SCG3: variants seen among roughly 807,000 people sequenced by gnomAD.
The protein encoded by SCG3 is secretogranin III, also known as secretogranin-3.
Under a neutral mutation model 56.2 loss-of-function variants are expected in SCG3, and 38 were observed. The observed-to-expected ratio is 0.68, with a 90% CI of 0.52 to 0.89. The LOEUF (loss-of-function observed/expected upper bound fraction) is 0.89, where lower values mean the gene tolerates loss of function less well. Among genes scored for constraint, SCG3 ranks in the 40% least tolerant of loss-of-function variants. The pLI is 0.00. For synonymous variants in SCG3, 176 were observed against 184.2 expected (o/e 0.96, Z 0.36); for missense variants, 524 against 540.7 (o/e 0.97, Z 0.31).
In SCG3 at chr15:51,683,059, ATCTCC is replaced by A; in HGVS notation, c.136-18_136-14del. On this transcript the variant is annotated splice_polypyrimidine_tract_variant and intron_variant, in intron 2 of 11. Coordinates refer to ENST00000220478, the MANE Select transcript of SCG3 (RefSeq NM_013243.4). The stretch of plus-strand genomic sequence containing the variant: ...GGAGCAATGATTTTAAACCAAGTCT[ATCTCC>A]TGTTTGCTTCACAGATTGCTGAAGC... 3 of 1,600,928 alleles carry A rather than the reference ATCTCC, an allele frequency of 1.9e-6. No individual in the cohort carries two copies. In the South Asian group the frequency reaches 3.3e-5, roughly 18 times the overall value.
chr15:51,704,690 T>C (rs1380277982), intron 10 of SCG3, among the ~76,000 whole-genome samples: 1 of 149,634 alleles, frequency 6.7e-6, no homozygotes, highest in Admixed American at 6.7e-5. Context: ...ATTGTATGTA[T>C]AAGCCACATT....
chr15:51,692,570 G>C (rs760040903), intron 7 of SCG3, among the ~76,000 whole-genome samples: 3 of 152,068 alleles, frequency 2.0e-5, no homozygotes, highest in Admixed American at 6.5e-5. Context: ...TTAACAGAAG[G>C]TTCATTTATT....
chr15:51,698,985 G>T (rs1015541370), intron 8 of SCG3, among the ~76,000 whole-genome samples: 15 of 152,176 alleles, frequency 9.9e-5, no homozygotes, highest in Non-Finnish European at 1.3e-4. Context: ...AAATCAAGGT[G>T]CAGTTACCAC....
intron 11 of SCG3, among the ~76,000 whole-genome samples, chr15:51,718,199 T>TAGAC (rs3078130): frequency 0.26 from 38,954 of 148,838 alleles, 5,485 homozygotes; most frequent in Non-Finnish European, 0.31. Context: ...GATAGATAGA[T>TAGAC]AGACAGACAG....
Position 51,686,950 on chromosome 15 carries a change from G to A in SCG3, c.398-1310G>A, listed in dbSNP as rs78430475. Among the ~76,000 whole-genome samples, 55 of 152,222 alleles carry A rather than the reference G, an allele frequency of 3.6e-4. No homozygotes were observed. The East Asian group carries it at 8.5e-3, about 24-fold the overall frequency. ...TCATAGAGTCTGAAAGAAAAGCCAC[G>A]GGATAAATTCCCTGTCCAAATCCCC... On this transcript the variant is annotated intron_variant, in intron 4 of 11. Coordinates refer to ENST00000220478, the MANE Select transcript of SCG3 (RefSeq NM_013243.4).
At chr15:51,716,956 T>A (rs1215111289) in intron 11 of SCG3, among the ~76,000 whole-genome samples, 1 of 152,190 alleles carries the variant, frequency 6.6e-6, no homozygotes, top group Non-Finnish European at 1.5e-5. Flanking sequence ...CCTGGTATGG[T>A]AGCTCACACC....
chr15:51,715,490 T>C (rs934066000), intron 11 of SCG3, among the ~76,000 whole-genome samples: 2 of 152,102 alleles, frequency 1.3e-5, no homozygotes, highest in African/African-American at 4.8e-5. Context: ...TGAATCCCCT[T>C]CCCAAACCCA....
chr15:51,689,153 C>T, intron 5 of SCG3, 66 bp from the exon 6 acceptor site: 1 of 1,506,572 alleles, frequency 6.6e-7, no homozygotes, highest in Non-Finnish European at 9.1e-7. Context: ...CAGTTTAGTC[C>T]ACATTATTTT....
At chr15:51,684,127 A>G (rs1041424457) in intron 4 of SCG3, among the ~76,000 whole-genome samples, 2 of 152,222 alleles carry the variant, frequency 1.3e-5, no homozygotes, top group African/African-American at 2.4e-5. Context: ...ATCTAGGATC[A>G]AACTATTTAT....
intron 10 of SCG3, among the ~76,000 whole-genome samples, chr15:51,702,853 T>A (rs1226365159): frequency 6.6e-6 from 1 of 152,238 alleles, no homozygotes; most frequent in Non-Finnish European, 1.5e-5. Context: ...GCATCTTTGA[T>A]ATAATTGGAA....
chr15:51,693,755 T>C (rs1041290421), intron 7 of SCG3: 6 of 152,234 alleles, frequency 3.9e-5, no homozygotes, highest in African/African-American at 1.4e-4. Flanking sequence ...ATTCCAGACA[T>C]TGGCCAGATG....
rs2055268875 is a variant in SCG3, at chr15:51,691,865, T to C, written c.691-294T>C. 2.0e-5 allele frequency among the ~76,000 whole-genome samples: 3 copies of C among 151,604 alleles called. No homozygotes were observed. The South Asian group carries it at 6.2e-4, about 31-fold the overall frequency. On this transcript the variant is annotated intron_variant, in intron 6 of 11. Coordinates refer to ENST00000220478, the MANE Select transcript of SCG3 (RefSeq NM_013243.4). ...TCCTGGGGAGACTCATGATAATTTATGGAGGTAAACATGGCCAGAGAAAGA... is the reference window on the plus strand; with the variant it reads ...TCCTGGGGAGACTCATGATAATTTACGGAGGTAAACATGGCCAGAGAAAGA...
chr15:51,682,143 T>G (rs1027242422), intron 1 of SCG3, among the ~76,000 whole-genome samples: 1 of 152,192 alleles, frequency 6.6e-6, no homozygotes, highest in African/African-American at 2.4e-5. Flanking sequence ...TCTCAGACAG[T>G]CTATTCATTA....
At chr15:51,704,557 AAT>A in intron 10 of SCG3, among the ~76,000 whole-genome samples, 1 of 150,076 alleles carries the variant, frequency 6.7e-6, no homozygotes, top group Non-Finnish European at 1.5e-5. Context: ...ATATAAGTGG[AAT>A]CATATAGCAT....
chr15:51,683,442 A>G lies in SCG3; in HGVS notation c.397+8A>G, dbSNP rs1191696277. The G allele has an allele frequency of 1.3e-5, 20 of 1,565,734 alleles. No homozygotes were observed. Among genetic ancestry groups the G allele is most frequent in the Non-Finnish European group, 1.7e-5 (20 of 1,155,838 alleles). ...TGGATCATAAATTTCAAGGTAAATG[A>G]GAAAAAAAGAACTTTTTGTTAACGT... On this transcript the variant is annotated splice_region_variant and intron_variant, in intron 4 of 11. Coordinates refer to ENST00000220478, the MANE Select transcript of SCG3 (RefSeq NM_013243.4).
At chr15:51,685,582 G>T (rs990910021) in intron 4 of SCG3, among the ~76,000 whole-genome samples, 1 of 152,158 alleles carries the variant, frequency 6.6e-6, no homozygotes, top group Non-Finnish European at 1.5e-5. Flanking sequence ...GTAAGCTTCT[G>T]GTCTCCCCTT....
At chr15:51,690,707 G>C (rs560126956) in intron 6 of SCG3, among the ~76,000 whole-genome samples, 22 of 151,370 alleles carry the variant, frequency 1.5e-4, no homozygotes, top group African/African-American at 5.3e-4. Flanking sequence ...AGCTAAAATG[G>C]ACACAGCTAT....
Position 51,688,281 on chromosome 15 carries a change from A to G in SCG3, c.419A>G (p.Gln140Arg), listed in dbSNP as rs781041687. Residue 140 changes from glutamine (Q) to arginine (R), a missense_variant, in exon 5 of 12, where the codon CAA (glutamine) becomes CGA (arginine). By Grantham distance (43) the Gln-to-Arg change is conservative. Coordinates refer to ENST00000220478, the MANE Select transcript of SCG3 (RefSeq NM_013243.4). ...CTAGATGATCCAGATGGTCTTCATCAACTAGACGGGACTCCTTTAACCGCT... is the reference window on the plus strand; with the variant it reads ...CTAGATGATCCAGATGGTCTTCATCGACTAGACGGGACTCCTTTAACCGCT... ...KFQDDPDGLH[Q>R]LDGTPLTAED... The G allele has an allele frequency of 2.5e-6, 4 of 1,613,752 alleles. No homozygotes were observed. Among genetic ancestry groups the G allele is most frequent in the Non-Finnish European group, 3.4e-6 (4 of 1,179,802 alleles).
intron 9 of SCG3, among the ~76,000 whole-genome samples, chr15:51,700,704 T>C (rs921263779): frequency 9.2e-5 from 14 of 152,144 alleles, no homozygotes; most frequent in African/African-American, 3.4e-4. Context: ...TCATTTGGAA[T>C]CAAGACCCAC....
Sources: allele counts gnomAD v4.1 joint callset (sites outside exome capture counted in the v4.1 genomes callset), GRCh38; gene constraint gnomAD v4.1.1; transcripts MANE v1.5; gene names NCBI Gene and HGNC (gene_info 2026-07-23, HGNC 2026-07-21).